Variants in SAMD5 observed in about 807,000 individuals in gnomAD.
SAMD5 encodes sterile alpha motif domain-containing protein 5.
Under a neutral mutation model 11.3 loss-of-function variants are expected in SAMD5, and 13 were observed. The ratio of observed to expected loss-of-function variants is 1.15; its 90% CI spans 0.75 to 1.83. The LOEUF (loss-of-function observed/expected upper bound fraction) is 1.83, where lower values mean the gene tolerates loss of function less well. Ranked by LOEUF, SAMD5 falls within the 40% of genes most tolerant of loss-of-function variation. SAMD5 has a pLI of 0.00. For synonymous variants in SAMD5, 129 were observed against 111.3 expected (o/e 1.16, Z -1.00); for missense variants, 255 against 239.1 (o/e 1.07, Z -0.44).
intron 1 of SAMD5, among the ~76,000 whole-genome samples, chr6:147,734,730 AAAAAAAAAAAAAG>A (rs1431364810): frequency 6.9e-6 from 1 of 144,946 alleles, no homozygotes; most frequent in African/African-American, 2.6e-5. Context: ...AAAAAAAAAA[AAAAAAAAAAAAAG>A]ATTTAGAACA....
At chr6:147,708,923 A>C (rs545799366) in intron 1 of SAMD5, among the ~76,000 whole-genome samples, 16 of 152,340 alleles carry the variant, frequency 1.1e-4, no homozygotes, top group African/African-American at 3.4e-4. Context: ...TTCGCACTTC[A>C]TTGCTTTCTG....
At chr6:147,536,453 A>T (rs1313146061) in intron 1 of SAMD5, among the ~76,000 whole-genome samples, 1 of 152,232 alleles carries the variant, frequency 6.6e-6, no homozygotes, top group East Asian at 1.9e-4. Context: ...ATAGCTTTAA[A>T]GAAATAAGTT....
At chr6:147,624,669 A>G (rs844618) in intron 1 of SAMD5, among the ~76,000 whole-genome samples, 4,393 of 152,150 alleles carry the variant, frequency 0.029, 103 homozygotes, top group East Asian at 0.1. Flanking sequence ...CATTTTTGCA[A>G]TTGTGAATTG....
At chr6:147,539,213 C>T (rs887372282) in intron 1 of SAMD5, among the ~76,000 whole-genome samples, 2 of 152,166 alleles carry the variant, frequency 1.3e-5, no homozygotes, top group Admixed American at 1.3e-4. Context: ...CAGTGCGGTG[C>T]AGCTACTCTG....
At chr6:147,915,506 T>C in the SAMD5 span, among the ~76,000 whole-genome samples, 11 of 152,352 alleles carry the variant, frequency 7.2e-5, no homozygotes, top group African/African-American at 2.6e-4. Context: ...TTCTCTGATC[T>C]TTGGTTTCCT....
the SAMD5 span, among the ~76,000 whole-genome samples, chr6:147,767,088 C>A: frequency 6.6e-6 from 1 of 152,130 alleles, no homozygotes; most frequent in Non-Finnish European, 1.5e-5. Context: ...GACTGTTTAA[C>A]CAAAAGTTGT....
intron 1 of SAMD5, among the ~76,000 whole-genome samples, chr6:147,540,941 T>G (rs796663801): frequency 7.3e-6 from 1 of 136,648 alleles, no homozygotes. Flanking sequence ...GCGTTTTTTT[T>G]TTTTTTTTTT....
chr6:147,817,404 C>T, the SAMD5 span, among the ~76,000 whole-genome samples: 9 of 152,146 alleles, frequency 5.9e-5, no homozygotes, highest in African/African-American at 9.7e-5. Context: ...CAGCAAGTGC[C>T]GATTGATTGA....
chr6:147,526,423 A>G (rs1788340899), intron 1 of SAMD5, among the ~76,000 whole-genome samples: 1 of 152,240 alleles, frequency 6.6e-6, no homozygotes, highest in African/African-American at 2.4e-5. Context: ...ACATCCACAG[A>G]TCCATCCATT....
At chr6:147,745,335 T>C in the SAMD5 span, among the ~76,000 whole-genome samples, 13 of 152,158 alleles carry the variant, frequency 8.5e-5, no homozygotes, top group Non-Finnish European at 1.8e-4. Context: ...ATTTCCATAG[T>C]GAAAAAAAAT....
intron 1 of SAMD5, among the ~76,000 whole-genome samples, chr6:147,540,238 C>T (rs1192425156): frequency 2.0e-5 from 3 of 152,194 alleles, no homozygotes; most frequent in East Asian, 1.9e-4. Flanking sequence ...GGAATCATTC[C>T]GGAAGCCAAG....
At chr6:147,900,305 G>A in the SAMD5 span, among the ~76,000 whole-genome samples, 10 of 152,198 alleles carry the variant, frequency 6.6e-5, no homozygotes, top group Non-Finnish European at 1.3e-4. Flanking sequence ...TCATTTCCTT[G>A]ATATTGAGTT....
chr6:147,943,515 GCTC>G, the SAMD5 span, among the ~76,000 whole-genome samples: 1 of 150,946 alleles, frequency 6.6e-6, no homozygotes, highest in Middle Eastern at 3.4e-3. Flanking sequence ...CATTCTGAGG[GCTC>G]CTCCTCCTCC....
intron 1 of SAMD5, among the ~76,000 whole-genome samples, chr6:147,595,921 C>A (rs573009033): frequency 6.6e-6 from 1 of 152,104 alleles, no homozygotes; most frequent in South Asian, 2.1e-4. Flanking sequence ...GCCCTATATA[C>A]AGCTCCGTAT....
chr6:147,904,937 G>A, the SAMD5 span, among the ~76,000 whole-genome samples: 1 of 150,854 alleles, frequency 6.6e-6, no homozygotes, highest in Admixed American at 6.6e-5. Context: ...TCCCCAGGCT[G>A]GAGTGCGATG....
chr6:147,929,324 A>G, the SAMD5 span, among the ~76,000 whole-genome samples: 1 of 152,130 alleles, frequency 6.6e-6, no homozygotes, highest in African/African-American at 2.4e-5. Flanking sequence ...AAATAACATC[A>G]CTTCTCTAAG....
the SAMD5 span, among the ~76,000 whole-genome samples, chr6:147,899,189 A>AAAAAAAAGAG: frequency 8.1e-6 from 1 of 123,458 alleles, no homozygotes; most frequent in African/African-American, 3.8e-5. Context: ...AAAAAAAAAA[A>AAAAAAAAGAG]AAAAGATAAC....
At chr6:147,728,262 C>CA (rs1562361546) in intron 1 of SAMD5, among the ~76,000 whole-genome samples, 1 of 152,068 alleles carries the variant, frequency 6.6e-6, no homozygotes, top group Admixed American at 6.6e-5. Flanking sequence ...CCTGTCTCTA[C>CA]AAAAAATCAG....
At chr6:147,756,628 G>T in the SAMD5 span, among the ~76,000 whole-genome samples, 5 of 152,156 alleles carry the variant, frequency 3.3e-5, no homozygotes, top group African/African-American at 1.2e-4. Context: ...GGAGTCATTT[G>T]ATTTTGAGCT....
Sources: allele counts gnomAD v4.1 joint callset (sites outside exome capture counted in the v4.1 genomes callset), GRCh38; gene constraint gnomAD v4.1.1; transcripts MANE v1.5; gene names NCBI Gene and HGNC (gene_info 2026-07-23, HGNC 2026-07-21).